MBNL2: variants seen among roughly 807,000 people sequenced by gnomAD.
The protein encoded by MBNL2 is muscleblind-like protein 2.
MBNL2 carries 17 observed loss-of-function variants against 41.9 expected under a neutral mutation model. That is an observed-to-expected ratio of 0.41 (90% CI 0.28 to 0.61). The LOEUF is 0.61. Among genes scored for constraint, MBNL2 ranks in the 20% least tolerant of loss-of-function variants. The probability of loss-of-function intolerance (pLI) is 0.35; values close to 1 mark genes in which losing one functional copy is unlikely to be tolerated. For missense variants in MBNL2, 336 were observed against 505.6 expected, an observed-to-expected ratio of 0.66 and a Z score of 3.22; for synonymous variants, 195 against 182.9, an observed-to-expected ratio of 1.07 and a Z score of -0.53.
the MBNL2 span, among the ~76,000 whole-genome samples, chr13:97,186,353 CT>C: frequency 1.3e-5 from 2 of 152,166 alleles, no homozygotes; most frequent in Non-Finnish European, 2.9e-5. Context: ...ATCCACAAGC[CT>C]CAGAGTTCCA....
At chr13:97,168,615 C>T in the MBNL2 span, among the ~76,000 whole-genome samples, 1 of 151,994 alleles carries the variant, frequency 6.6e-6, no homozygotes, top group Non-Finnish European at 1.5e-5. Flanking sequence ...CCAATGTCTC[C>T]CCAGTGTTTA....
intron 7 of MBNL2, among the ~76,000 whole-genome samples, chr13:97,359,989 AC>A (rs1233180540): frequency 6.6e-6 from 1 of 152,184 alleles, no homozygotes; most frequent in African/African-American, 2.4e-5. Flanking sequence ...TTTCTTATAA[AC>A]CCATTTTCAA....
intron 7 of MBNL2, among the ~76,000 whole-genome samples, chr13:97,360,340 C>A (rs1285685036): frequency 6.6e-6 from 1 of 152,178 alleles, no homozygotes. Context: ...ATATGAGAGT[C>A]TTCTCCCAAA....
intron 8 of MBNL2, among the ~76,000 whole-genome samples, chr13:97,376,851 A>G (rs1470248459): frequency 6.6e-6 from 1 of 152,228 alleles, no homozygotes; most frequent in Non-Finnish European, 1.5e-5. Flanking sequence ...TGCAAATTAC[A>G]TTATAAATTG....
intron 8 of MBNL2, among the ~76,000 whole-genome samples, chr13:97,381,864 A>G (rs1239884103): frequency 2.0e-5 from 3 of 151,920 alleles, no homozygotes; most frequent in Non-Finnish European, 4.4e-5. Flanking sequence ...ATTATGTAAC[A>G]TATTGTCTGC....
intron 1 of MBNL2, among the ~76,000 whole-genome samples, chr13:97,231,736 T>TC (rs1317888681): frequency 6.6e-6 from 1 of 152,050 alleles, no homozygotes; most frequent in Non-Finnish European, 1.5e-5. Context: ...TCTCACAAGT[T>TC]CCCCAAGAGA....
chr13:97,250,482 C>T (rs905710559), intron 1 of MBNL2, among the ~76,000 whole-genome samples: 1 of 152,014 alleles, frequency 6.6e-6, no homozygotes, highest in Non-Finnish European at 1.5e-5. Context: ...ATTGAGCTTA[C>T]TCAAGAATGA....
the MBNL2 span, among the ~76,000 whole-genome samples, chr13:97,150,489 A>G: frequency 3.9e-5 from 6 of 152,364 alleles, no homozygotes; most frequent in South Asian, 2.1e-4. Context: ...TACAAAGGCC[A>G]ATAAGAGTAA....
chr13:97,196,817 G>C, the MBNL2 span, among the ~76,000 whole-genome samples: 1 of 152,116 alleles, frequency 6.6e-6, no homozygotes, highest in African/African-American at 2.4e-5. Context: ...CTCCTTAACT[G>C]TCCTCATTTC....
At chr13:97,383,903 AT>A (rs201404646) in intron 8 of MBNL2, among the ~76,000 whole-genome samples, 3,017 of 145,394 alleles carry the variant, frequency 0.021, 38 homozygotes, top group Middle Eastern at 0.038. Context: ...TATATAATTA[AT>A]TTTTTTTTTT....
At chr13:97,365,351 T>C (rs1365024477) in intron 8 of MBNL2, among the ~76,000 whole-genome samples, 180 bp downstream of exon 8, 17 of 152,210 alleles carry the variant, frequency 1.1e-4, no homozygotes, top group Non-Finnish European at 1.5e-5. Flanking sequence ...AAATGACGGT[T>C]TTAATGTGAC....
chr13:97,282,073 C>T (rs1037500209), intron 2 of MBNL2, among the ~76,000 whole-genome samples: 8 of 151,898 alleles, frequency 5.3e-5, no homozygotes, highest in Non-Finnish European at 1.2e-4. Flanking sequence ...CATTCTAGGC[C>T]AAGTGCAGTG....
In MBNL2 at chr13:97,270,394, G is replaced by A. The variant is rs1001574288; in HGVS notation, c.-604-5238G>A. On this transcript the variant is annotated intron_variant, in intron 1 of 8. Transcript: ENST00000679496. Reference sequence around the variant, plus strand: ...AGGCATGTATTTTTGAATTCAGTGTGTATTTTCTACTTGGAGCACATCTGA... The same window carrying A: ...AGGCATGTATTTTTGAATTCAGTGTATATTTTCTACTTGGAGCACATCTGA... Among the ~76,000 whole-genome samples the A allele has an allele frequency of 5.3e-5, 8 of 151,984 alleles. 1 individual carries two copies. The highest frequency in any genetic ancestry group is 7.2e-5 in the African/African-American group (3 of 41,456).
the MBNL2 span, among the ~76,000 whole-genome samples, chr13:97,216,029 T>A: frequency 2.6e-5 from 4 of 152,232 alleles, no homozygotes; most frequent in African/African-American, 7.2e-5. Flanking sequence ...ATTTGCTTCC[T>A]CCTATTTTCC....
intron 2 of MBNL2, among the ~76,000 whole-genome samples, chr13:97,309,445 C>T (rs1291832290): frequency 2.0e-5 from 3 of 152,044 alleles, no homozygotes; most frequent in South Asian, 4.1e-4. Context: ...AATTTGGACA[C>T]GGAGATAAGC....
rs1211791770 is a variant in MBNL2 at position 97,346,771 on chromosome 13, C to T, written c.541-33C>T. 2 of 1,603,948 alleles carry T rather than the reference C, an allele frequency of 1.2e-6. No individual in the cohort carries two copies. The highest frequency in any genetic ancestry group is 8.5e-7 in the Non-Finnish European group (1 of 1,173,900). On this transcript the variant is annotated intron_variant, in intron 4 of 8. Transcript: ENST00000679496. The surrounding 1 kb of genome is among the most constrained non-coding windows in gnomAD (Gnocchi z 4.2). ...GCAGGGGCGCCTGGGCTCAGGCTTG[C>T]CTCTGCAGCGCGGCTCTTCTTCCCT...
At chr13:97,252,511 A>G (rs2046770579) in intron 1 of MBNL2, among the ~76,000 whole-genome samples, 1 of 152,258 alleles carries the variant, frequency 6.6e-6, no homozygotes, top group South Asian at 2.1e-4. Flanking sequence ...ATCTACAAAT[A>G]TCTTTCAATT....
intron 5 of MBNL2, among the ~76,000 whole-genome samples, chr13:97,355,748 A>G (rs1254292068): frequency 2.0e-5 from 3 of 152,134 alleles, no homozygotes; most frequent in African/African-American, 4.8e-5. Flanking sequence ...ATAGTATTTT[A>G]CTTCTAATCT....
the MBNL2 span, among the ~76,000 whole-genome samples, chr13:97,162,531 T>C: frequency 2.6e-5 from 4 of 152,226 alleles, no homozygotes; most frequent in African/African-American, 4.8e-5. Context: ...GTCTTATGGC[T>C]GCAGTTCCTG....
Sources: allele counts gnomAD v4.1 joint callset (sites outside exome capture counted in the v4.1 genomes callset), GRCh38; gene constraint gnomAD v4.1.1; non-coding constraint Gnocchi (gnomAD v3.1); transcripts MANE v1.5; gene names NCBI Gene and HGNC (gene_info 2026-07-23, HGNC 2026-07-21).